The following KCNMA1 variants were observed in gnomAD, a reference collection of about 807,000 sequenced individuals.
KCNMA1 encodes the protein potassium calcium-activated channel subfamily M alpha 1.
In KCNMA1, 29 loss-of-function variants were observed where a neutral mutation model predicts 140.0. The observed-to-expected ratio is 0.21, with a 90% CI of 0.15 to 0.28. KCNMA1 has a LOEUF of 0.28. KCNMA1 is among the 10% of genes least tolerant of loss of function. The pLI, the probability that KCNMA1 is intolerant of heterozygous loss-of-function variation, is 1.00. For synonymous variants in KCNMA1, 612 were observed against 611.9 expected (o/e 1.00, Z 0.00); for missense variants, 880 against 1,602.2 (o/e 0.55, Z 7.70).
At chr10:77,336,950 A>T (rs924573108) in intron 2 of KCNMA1, among the ~76,000 whole-genome samples, 2 of 152,220 alleles carry the variant, frequency 1.3e-5, no homozygotes, top group African/African-American at 4.8e-5. Context: ...CTGTGGGTAG[A>T]GCCTGTGCTA....
intron 5 of KCNMA1, among the ~76,000 whole-genome samples, chr10:77,147,327 T>C (rs1180829615): frequency 6.6e-6 from 1 of 152,208 alleles, no homozygotes; most frequent in African/African-American, 2.4e-5. Context: ...GGTCTCAAGT[T>C]ACAAGGGAAA....
Position 77,078,965 on chromosome 10 carries a change from C to T in KCNMA1, c.1593+516G>A, listed in dbSNP as rs184495127. Among the ~76,000 whole-genome samples the T allele has an allele frequency of 1.7e-3, 263 of 152,282 alleles. 1 individual carries two copies. Among genetic ancestry groups the T allele is most frequent in the Non-Finnish European group, 3.1e-3 (212 of 68,010 alleles). On this transcript the variant is annotated intron_variant, in intron 13 of 27. Transcript: ENST00000286628. ...TCCTTCCAGTGACCAAATGCAAACA[C>T]GTTGTTTGGACTAAAGAAATGGGCC... is the stretch of plus-strand genomic sequence containing the variant.
chr10:77,414,718 G>A (rs556488575), intron 1 of KCNMA1, among the ~76,000 whole-genome samples: 2 of 152,082 alleles, frequency 1.3e-5, no homozygotes, highest in Non-Finnish European at 2.9e-5. Context: ...TGGAACTCCT[G>A]ACCTCAAGTG....
intron 14 of KCNMA1, among the ~76,000 whole-genome samples, chr10:77,052,492 C>G (rs1448775620): frequency 6.6e-6 from 1 of 152,030 alleles, no homozygotes; most frequent in East Asian, 1.9e-4. Context: ...AGTTAGTACT[C>G]CCCACACACT....
At chr10:77,433,274 T>C (rs2097189155) in intron 1 of KCNMA1, among the ~76,000 whole-genome samples, 1 of 152,138 alleles carries the variant, frequency 6.6e-6, no homozygotes, top group South Asian at 2.1e-4. Flanking sequence ...CGCCTCAGCC[T>C]CCCGAGTAGC....
chr10:77,474,012 T>C (rs755513951), intron 1 of KCNMA1, among the ~76,000 whole-genome samples: 3 of 152,142 alleles, frequency 2.0e-5, no homozygotes, highest in Non-Finnish European at 4.4e-5. Context: ...GCAGTCACAA[T>C]GATGAAGGGT....
chr10:77,349,179 G>T (rs544363033), intron 2 of KCNMA1, among the ~76,000 whole-genome samples: 2 of 152,092 alleles, frequency 1.3e-5, no homozygotes, highest in African/African-American at 4.8e-5. Context: ...AGGTGATAAC[G>T]TCATGGAGAC....
chr10:77,477,273 A>T (rs1477969278), intron 1 of KCNMA1, among the ~76,000 whole-genome samples: 1 of 152,252 alleles, frequency 6.6e-6, no homozygotes, highest in African/African-American at 2.4e-5. Flanking sequence ...CTGTTGGCTG[A>T]TAGGAATAAG....
At chr10:76,937,973 A>C (rs1432862416) in intron 23 of KCNMA1, among the ~76,000 whole-genome samples, 4 of 151,952 alleles carry the variant, frequency 2.6e-5, no homozygotes, top group Non-Finnish European at 5.9e-5. Context: ...TAAAATATGG[A>C]AAAAAGGCAG....
intron 2 of KCNMA1, among the ~76,000 whole-genome samples, chr10:77,391,933 A>G (rs935995737): frequency 2.7e-5 from 4 of 149,958 alleles, no homozygotes; most frequent in African/African-American, 9.8e-5. Flanking sequence ...GGCTCTAAGG[A>G]TATTTTTCTG....
At position 77,388,251 on chromosome 10, in the gene KCNMA1, A is replaced by G. The variant is rs1419359677; in HGVS notation, c.540+15611T>C. Among the ~76,000 whole-genome samples the G allele has an allele frequency of 3.9e-5, 6 of 152,154 alleles. No individual in the cohort carries two copies. The East Asian group carries it at 7.7e-4, about 20-fold the overall frequency. ...GTATGAAGGCTCTTCATTCAACTCCACATCTGAAGCTCTGAAAGTGACCTT... is the reference window on the plus strand; with the variant it reads ...GTATGAAGGCTCTTCATTCAACTCCGCATCTGAAGCTCTGAAAGTGACCTT... On this transcript the variant is annotated intron_variant, in intron 2 of 27. Coordinates refer to ENST00000286628, the MANE Select transcript of KCNMA1 (RefSeq NM_001161352.2).
chr10:77,173,293 C>A (rs2098724323), intron 5 of KCNMA1, among the ~76,000 whole-genome samples: 1 of 152,132 alleles, frequency 6.6e-6, no homozygotes, highest in South Asian at 2.1e-4. Context: ...AGCATAGTAT[C>A]ATATCAAGTA....
intron 5 of KCNMA1, among the ~76,000 whole-genome samples, chr10:77,145,399 C>T (rs2098270428): frequency 6.6e-6 from 1 of 152,190 alleles, no homozygotes; most frequent in Non-Finnish European, 1.5e-5. Context: ...AATGTGGGCC[C>T]ATTTCTCTGG....
chr10:76,952,565 C>T (rs3781148), intron 21 of KCNMA1, among the ~76,000 whole-genome samples: 10,296 of 152,112 alleles, frequency 0.068, 509 homozygotes, highest in Admixed American at 0.16. Flanking sequence ...AGCAGCTTTG[C>T]GAGTAGAACA....
At chr10:77,012,653 G>A (rs1430713358) in intron 17 of KCNMA1, 2 of 973,510 alleles carry the variant, frequency 2.1e-6, no homozygotes, top group East Asian at 2.6e-5. Flanking sequence ...AAGCTGACTG[G>A]ACCAATTCCC....
chr10:77,076,670 A>G (rs2096407736), intron 13 of KCNMA1, among the ~76,000 whole-genome samples: 1 of 152,222 alleles, frequency 6.6e-6, no homozygotes, highest in Non-Finnish European at 1.5e-5. Flanking sequence ...CTGGGATGCT[A>G]AAATGCACAG....
intron 20 of KCNMA1, among the ~76,000 whole-genome samples, chr10:76,967,703 G>A (rs1336852553): frequency 1.3e-5 from 2 of 152,116 alleles, no homozygotes; most frequent in Non-Finnish European, 2.9e-5. Flanking sequence ...GACCATGGTG[G>A]GCTGGTGGGA....
chr10:77,522,339 GCTGACACT>G (rs2053738133), intron 1 of KCNMA1, among the ~76,000 whole-genome samples: 1 of 151,942 alleles, frequency 6.6e-6, no homozygotes, highest in South Asian at 2.1e-4. Context: ...CTTTCCCCCA[GCTGACACT>G]CTTTTCCTTA....
chr10:77,205,621 T>TGG (rs34440077), intron 3 of KCNMA1, among the ~76,000 whole-genome samples: 38,195 of 151,952 alleles, frequency 0.25, 5,094 homozygotes, highest in Middle Eastern at 0.29. Flanking sequence ...TTGATGAAGG[T>TGG]TTCTTATAGT....
Sources: gnomAD v4.1 joint callset for allele counts (sites outside exome capture counted in the v4.1 genomes callset) on GRCh38, gnomAD v4.1.1 for gene constraint, MANE v1.5 for transcripts, NCBI Gene and HGNC (gene_info 2026-07-23, HGNC 2026-07-21) for gene names.